PRDM2: variants seen among roughly 807,000 people sequenced by gnomAD.
PRDM2 encodes the protein PR domain zinc finger protein 2.
In PRDM2, 30 loss-of-function variants were observed where a neutral mutation model predicts 130.0. The observed-to-expected ratio is 0.23, with a 90% confidence interval of 0.17 to 0.31. PRDM2 has a LOEUF of 0.31. Among genes scored for constraint, PRDM2 ranks in the 10% least tolerant of loss-of-function variants. PRDM2 has a pLI of 1.00. For synonymous variants in PRDM2, 871 were observed against 782.4 expected (o/e 1.11, Z -1.89); for missense variants, 2,011 against 2,108.4 (o/e 0.95, Z 0.90).
intron 4 of PRDM2, among the ~76,000 whole-genome samples, chr1:13,739,404 T>C (rs1643372477): frequency 6.6e-6 from 1 of 152,214 alleles, no homozygotes; most frequent in Non-Finnish European, 1.5e-5. Context: ...CTGATCAATG[T>C]ATTTCCACAA....
chr1:13,738,686 TTC>T (rs1643345986), intron 4 of PRDM2: 1 of 152,248 alleles, frequency 6.6e-6, no homozygotes, highest in Admixed American at 6.5e-5. Flanking sequence ...ACCTGTTAGA[TTC>T]TCTTTTATTT....
chr1:13,710,978 G>C (rs1343044021), intron 1 of PRDM2, among the ~76,000 whole-genome samples: 2 of 151,920 alleles, frequency 1.3e-5, no homozygotes, highest in Admixed American at 6.5e-5. Context: ...CCAGCTACTC[G>C]GGAGGCTGAG....
chr1:13,746,902 A>C (rs1405259047), intron 5 of PRDM2, among the ~76,000 whole-genome samples: 7 of 152,178 alleles, frequency 4.6e-5, no homozygotes, highest in African/African-American at 1.7e-4. Context: ...GTTCCTCTTG[A>C]TCTAACACTT....
At chr1:13,785,866 T>G (rs1487702355) in intron 8 of PRDM2, among the ~76,000 whole-genome samples, 1 of 144,724 alleles carries the variant, frequency 6.9e-6, no homozygotes, top group Non-Finnish European at 1.5e-5. Context: ...TGAGACAGAG[T>G]CTCGCTCCGT....
intron 7 of PRDM2, among the ~76,000 whole-genome samples, chr1:13,775,842 G>A (rs539892262): frequency 8.5e-4 from 129 of 152,114 alleles, no homozygotes; most frequent in African/African-American, 3.0e-3. Context: ...TTGCTCCTCG[G>A]CCTCCAGTGA....
chr1:13,820,518 G>A (rs1645332028), intron 9 of PRDM2, among the ~76,000 whole-genome samples: 1 of 152,228 alleles, frequency 6.6e-6, no homozygotes, highest in South Asian at 2.1e-4. Flanking sequence ...GGTTCAGCGG[G>A]AGGCCCAGGG....
intron 4 of PRDM2, among the ~76,000 whole-genome samples, chr1:13,733,194 C>T (rs575924966): frequency 3.7e-4 from 56 of 152,192 alleles, no homozygotes; most frequent in African/African-American, 9.4e-4. Flanking sequence ...CTTCACAGGC[C>T]GCCACATAAA....
chr1:13,760,355 A>AT (rs1337825080), intron 6 of PRDM2, among the ~76,000 whole-genome samples: 1 of 151,920 alleles, frequency 6.6e-6, no homozygotes, highest in African/African-American at 2.4e-5. Context: ...CTGCCTAAAA[A>AT]TTTTTTTTAG....
chr1:13,737,895 T>C (rs1199108591), intron 4 of PRDM2, among the ~76,000 whole-genome samples: 1 of 152,206 alleles, frequency 6.6e-6, no homozygotes, highest in Non-Finnish European at 1.5e-5. Flanking sequence ...AAAATGTTTG[T>C]GGTGTTATAA....
intron 8 of PRDM2, among the ~76,000 whole-genome samples, chr1:13,791,869 T>G (rs1485092535): frequency 6.6e-6 from 1 of 152,230 alleles, no homozygotes; most frequent in Non-Finnish European, 1.5e-5. Flanking sequence ...GTCAGCTGGA[T>G]TTCTTTTCAA....
rs1643090531 is a variant in PRDM2, at chr1:13,731,047, C to CGAACA, written c.58_62dup (p.His21GlnfsTer12). On this transcript the variant is annotated frameshift_variant, in exon 3 of 10. Transcript: ENST00000311066. LOFTEE classifies it high-confidence loss of function. ...CCACCGAGACCCTGGCTGAGGTACC[C>CGAACA]GAACATGTGCTGCGAGGACTTCCGG... 6.2e-7 allele frequency: 1 copy of CGAACA among 1,612,708 alleles called. No individual in the cohort carries two copies. Among genetic ancestry groups the CGAACA allele is most frequent in the Non-Finnish European group, 8.5e-7 (1 of 1,179,682 alleles).
chr1:13,778,750 T>G lies in PRDM2; in HGVS notation c.955T>G (p.Leu319Val), dbSNP rs930254793. The change falls in exon 8 of 10, where the codon TTA becomes GTA. Residue 319 changes from leucine (L) to valine (V), a missense_variant. Physicochemically the swap from Leu to Val is conservative, Grantham distance 32 (BLOSUM62 1). Coordinates refer to ENST00000311066, the MANE Select transcript of PRDM2 (RefSeq NM_001393986.1). ...EIRCDEKPED[L>V]LEEPKTTSEE... The stretch of plus-strand genomic sequence containing the variant: ...ACGGTGTGATGAGAAGCCAGAAGAT[T>G]TATTAGAGGAACCAAAAACAACTTC... 4 of 1,613,966 alleles carry G rather than the reference T, an allele frequency of 2.5e-6. No individual in the cohort carries two copies. Among genetic ancestry groups the G allele is most frequent in the Non-Finnish European group, 3.4e-6 (4 of 1,179,984 alleles).
At chr1:13,775,157 G>T (rs1301712711) in intron 7 of PRDM2, among the ~76,000 whole-genome samples, 1 of 152,178 alleles carries the variant, frequency 6.6e-6, no homozygotes, top group Non-Finnish European at 1.5e-5. Context: ...AAACTCCAGA[G>T]ACCACATAAA....
chr1:13,712,707 G>A (rs1432436789), intron 1 of PRDM2, among the ~76,000 whole-genome samples: 1 of 152,234 alleles, frequency 6.6e-6, no homozygotes, highest in Non-Finnish European at 1.5e-5. Context: ...GCTGCAGTGA[G>A]CCAAGATCAC....
intron 1 of PRDM2, among the ~76,000 whole-genome samples, chr1:13,709,950 C>T (rs1569672059): frequency 6.6e-6 from 1 of 152,020 alleles, no homozygotes; most frequent in African/African-American, 2.4e-5. Flanking sequence ...TAAAGTGATC[C>T]TAAAGAAAAT....
chr1:13,707,995 A>C (rs531842637), intron 1 of PRDM2, among the ~76,000 whole-genome samples: 1 of 152,322 alleles, frequency 6.6e-6, no homozygotes, highest in Admixed American at 6.5e-5. Context: ...TTACATGTTC[A>C]GTGGAATATG....
intron 8 of PRDM2, among the ~76,000 whole-genome samples, chr1:13,785,040 A>G (rs948810931): frequency 6.6e-6 from 1 of 152,244 alleles, no homozygotes; most frequent in Non-Finnish European, 1.5e-5. Context: ...TAGTGAGTTT[A>G]GCACAAAACT....
intron 1 of PRDM2, among the ~76,000 whole-genome samples, chr1:13,708,565 T>C (rs1190562669): frequency 6.6e-6 from 1 of 152,212 alleles, no homozygotes; most frequent in Non-Finnish European, 1.5e-5. Flanking sequence ...TAGGTTTCTC[T>C]GCTCTATGCA....
intron 2 of PRDM2, among the ~76,000 whole-genome samples, chr1:13,719,321 T>A (rs1642649118): frequency 1.3e-5 from 2 of 152,160 alleles, no homozygotes; most frequent in African/African-American, 4.8e-5. Context: ...GAAGTGGAAA[T>A]GAGCTTGGTA....
Sources: gnomAD v4.1 joint callset for allele counts (sites outside exome capture counted in the v4.1 genomes callset) on GRCh38, gnomAD v4.1.1 for gene constraint, MANE v1.5 for transcripts, NCBI Gene and HGNC (gene_info 2026-07-23, HGNC 2026-07-21) for gene names.